LETM1: variants seen among roughly 807,000 people sequenced by gnomAD.
LETM1 encodes mitochondrial proton/calcium exchanger protein.
A neutral mutation model predicts 74.5 loss-of-function variants in LETM1; 50 were observed. The observed-to-expected ratio is 0.67, with a 90% confidence interval of 0.53 to 0.85. The LOEUF (loss-of-function observed/expected upper bound fraction) is 0.85. Ranked by LOEUF, LETM1 falls within the 40% of genes least tolerant of loss-of-function variation. LETM1 has a pLI of 0.00. For synonymous variants in LETM1, 446 were observed against 407.1 expected, an observed-to-expected ratio of 1.10 and a Z score of -1.15; for missense variants, 824 against 967.8, an observed-to-expected ratio of 0.85 and a Z score of 1.97.
chr4:1,821,035 T>A (rs2108837370), intron 10 of LETM1, among the ~76,000 whole-genome samples: 1 of 152,110 alleles, frequency 6.6e-6, no homozygotes, highest in Middle Eastern at 3.4e-3. Flanking sequence ...AGAAAAAAAA[T>A]TCAAGCCAAT....
rs1464642166 is a variant in LETM1, at chr4:1,841,668, G to T, written c.273C>A (p.Thr91=). ...GTCCCACAGCCACAAAACCCACAGA[G>T]GTAGAGGTCCATGGCGCTCTCGACA... The part of the protein sequence containing the change: ...RIVSRAPWTS[T]SVGFVAVGPQ... The change falls in exon 3 of 14, where the codon ACC becomes ACA. Residue 91 remains threonine (T), a synonymous_variant. Coordinates refer to ENST00000302787, the MANE Select transcript of LETM1 (RefSeq NM_012318.3). 6.2e-7 allele frequency: 1 copy of T among 1,614,252 alleles called. No homozygotes were observed. The highest frequency in any genetic ancestry group is 1.1e-5 in the South Asian group (1 of 91,090).
At chr4:1,832,202 T>C (rs1258284255) in intron 6 of LETM1, among the ~76,000 whole-genome samples, 1 of 151,998 alleles carries the variant, frequency 6.6e-6, no homozygotes, top group African/African-American at 2.4e-5. Flanking sequence ...CTCTGGAGGC[T>C]GAGGCAGGAG....
intron 3 of LETM1, 82 bp downstream of exon 3, chr4:1,841,265 T>G: frequency 7.7e-7 from 1 of 1,299,514 alleles, no homozygotes; most frequent in Admixed American, 2.0e-5. Context: ...GGATCGCCCA[T>G]GCCCAGGAAA....
intron 3 of LETM1, among the ~76,000 whole-genome samples, chr4:1,838,074 T>G (rs1044982350): frequency 1.3e-5 from 2 of 152,042 alleles, no homozygotes; most frequent in African/African-American, 2.4e-5. Flanking sequence ...TTAGAGCACA[T>G]TTCAGTGCAC....
rs368761004 is a variant in LETM1, at chr4:1,834,246, A to C, written c.876+599T>G. On this transcript the variant is annotated intron_variant, in intron 5 of 13. Coordinates refer to ENST00000302787, the MANE Select transcript of LETM1 (RefSeq NM_012318.3). The surrounding 1 kb of genome is among the most constrained non-coding windows in gnomAD (Gnocchi z 5.0). ...GGTTTAAGCTCTTCCTGCACTTCAG[A>C]CACATCCTTCTCACTCCAAAGTGGC... The C allele has an allele frequency of 3.3e-4, 88 of 265,764 alleles. No homozygotes were observed. In the Middle Eastern group the frequency reaches 7.2e-3, roughly 22 times the overall value. 16.5% of individuals were successfully genotyped at this position (265,764 alleles called of 1,614,324 possible).
chr4:1,828,564 C>T (rs1712113533), intron 6 of LETM1, among the ~76,000 whole-genome samples: 1 of 128,424 alleles, frequency 7.8e-6, no homozygotes, highest in Non-Finnish European at 1.6e-5. Context: ...GGGCTGACCC[C>T]CCCACCTCCC....
At chr4:1,832,378 C>T (rs1002423653) in intron 6 of LETM1, among the ~76,000 whole-genome samples, 3 of 151,966 alleles carry the variant, frequency 2.0e-5, no homozygotes, top group Non-Finnish European at 4.4e-5. Context: ...AGCACAGAGG[C>T]AAGCACGTGC....
chr4:1,825,087 G>T lies in LETM1; in HGVS notation c.1200+477C>A, dbSNP rs57134546. 1.3e-3 allele frequency among the ~76,000 whole-genome samples: 194 copies of T among 152,264 alleles called. 4 individuals carry two copies. In the East Asian group the frequency reaches 0.034, roughly 27 times the overall value. On this transcript the variant is annotated intron_variant, in intron 7 of 13. Transcript: ENST00000302787. Reference sequence around the variant, plus strand: ...TGAGTGGCTGGGGCTGTCACTTTCCGACCTACAAGCCACTCAATTTGATGG... The same window carrying T: ...TGAGTGGCTGGGGCTGTCACTTTCCTACCTACAAGCCACTCAATTTGATGG...
At position 1,841,726 on chromosome 4, in the gene LETM1, C is replaced by T. The variant is rs777288550; in HGVS notation, c.215G>A (p.Cys72Tyr). 9 of 1,614,084 alleles carry T rather than the reference C, an allele frequency of 5.6e-6. No individual in the cohort carries two copies. The African/African-American group carries it at 9.3e-5, about 17-fold the overall frequency. ...AAGGCACTCGGGCCTCAGAGCCCAA[C>T]AGCCGAGGTGATCGCCTCTGGAGGA... ...YTSSRGDHLGCWALRPECLRI... is the reference protein window; with the variant it reads ...YTSSRGDHLGYWALRPECLRI... The change falls in exon 3 of 14, where the codon TGT (cysteine) becomes TAT (tyrosine). Residue 72 changes from cysteine (C) to tyrosine (Y), a missense_variant. Coordinates refer to ENST00000302787, the MANE Select transcript of LETM1 (RefSeq NM_012318.3).
chr4:1,847,423 G>A (rs1044590884), intron 2 of LETM1, among the ~76,000 whole-genome samples: 3 of 152,068 alleles, frequency 2.0e-5, no homozygotes, highest in Admixed American at 2.0e-4. Flanking sequence ...GACTGTTTTA[G>A]AAGTAAAATG....
chr4:1,833,159 C>A (rs1712340654), intron 5 of LETM1: 2 of 560,822 alleles, frequency 3.6e-6, no homozygotes, highest in South Asian at 2.1e-5. Context: ...GCAACCTCCA[C>A]CTCCTGGGTT....
chr4:1,831,902 A>G (rs993638381), intron 6 of LETM1, among the ~76,000 whole-genome samples: 2 of 152,258 alleles, frequency 1.3e-5, no homozygotes, highest in South Asian at 4.1e-4. Flanking sequence ...CCACCCAGTT[A>G]TTAGAGTAAT....
At chr4:1,823,507 GGC>G in intron 8 of LETM1, 135 bp downstream of exon 8, 1 of 1,007,628 alleles carries the variant, frequency 9.9e-7, no homozygotes. Context: ...GCTGGGTGGG[GGC>G]ACTCGCGAGG....
intron 12 of LETM1, among the ~76,000 whole-genome samples, chr4:1,816,459 G>A (rs886803637): frequency 5.3e-5 from 8 of 152,172 alleles, no homozygotes; most frequent in African/African-American, 1.7e-4. Flanking sequence ...GGAAACAGAA[G>A]CCAACAGAGG....
At chr4:1,818,559 G>A (rs1362516879) in intron 11 of LETM1, among the ~76,000 whole-genome samples, 4 of 151,932 alleles carry the variant, frequency 2.6e-5, no homozygotes, top group African/African-American at 9.7e-5. Flanking sequence ...GTTGCAGTGA[G>A]TCGAGATCAC....
Position 1,852,920 on chromosome 4 carries a change from T to C in LETM1, c.82+2949A>G, listed in dbSNP as rs537557948. Among the ~76,000 whole-genome samples, 337 of 152,272 alleles carry C rather than the reference T, an allele frequency of 2.2e-3. 1 individual carries two copies. Among genetic ancestry groups the C allele is most frequent in the Non-Finnish European group, 3.5e-3 (241 of 68,022 alleles). Reference sequence around the variant, plus strand: ...CAGGGTTCTCAGCCCTCAGTGCTGGTGCCAGGATCAGGTCAAAGAACAAAC... The same window carrying C: ...CAGGGTTCTCAGCCCTCAGTGCTGGCGCCAGGATCAGGTCAAAGAACAAAC... On this transcript the variant is annotated intron_variant, in intron 1 of 13. Coordinates refer to ENST00000302787, the MANE Select transcript of LETM1 (RefSeq NM_012318.3).
chr4:1,828,646 C>T, intron 6 of LETM1, among the ~76,000 whole-genome samples: 1 of 133,442 alleles, frequency 7.5e-6, no homozygotes, highest in African/African-American at 3.0e-5. Context: ...CAGAGGCGCC[C>T]CCCACCTCCC....
intron 10 of LETM1, among the ~76,000 whole-genome samples, chr4:1,821,688 G>A (rs1711780171): frequency 6.6e-6 from 1 of 152,136 alleles, no homozygotes. Context: ...AAGGTACCAG[G>A]AGGCGCCCCA....
At position 1,841,839 on chromosome 4, in the gene LETM1, C is replaced by G. The variant is rs1447183951; in HGVS notation, c.144-42G>C. The G allele has an allele frequency of 7.5e-6, 11 of 1,472,872 alleles. No individual in the cohort carries two copies. In the South Asian group the frequency reaches 9.4e-5, roughly 13 times the overall value. 91.2% of individuals were successfully genotyped at this position (1,472,872 alleles called of 1,614,324 possible). A position where few individuals can be genotyped will look rare whatever the true frequency, so the allele number is the denominator to read the frequency against. On this transcript the variant is annotated intron_variant, in intron 2 of 13. Coordinates refer to ENST00000302787, the MANE Select transcript of LETM1 (RefSeq NM_012318.3). ...TGGAAAACAGTAGTAAGAGCCAGCA[C>G]TAGCCTTTGACAGCTCAGCACCGAA...
Sources: gnomAD v4.1 joint callset for allele counts (sites outside exome capture counted in the v4.1 genomes callset) on GRCh38, gnomAD v4.1.1 for gene constraint, Gnocchi (gnomAD v3.1) non-coding constraint, MANE v1.5 for transcripts, NCBI Gene and HGNC (gene_info 2026-07-23, HGNC 2026-07-21) for gene names.